Variants in CMIP observed in about 807,000 individuals in gnomAD.
The protein encoded by CMIP is C-Maf-inducing protein.
CMIP carries 13 observed loss-of-function variants against 97.3 expected under a neutral mutation model. That is an observed-to-expected ratio of 0.13 (90% CI 0.09 to 0.21). The LOEUF (loss-of-function observed/expected upper bound fraction) is 0.21, where lower values mean the gene tolerates loss of function less well. Among genes scored for constraint, CMIP ranks in the 10% least tolerant of loss-of-function variants. The pLI is 1.00. For missense variants in CMIP, 847 were observed against 1,024.9 expected (o/e 0.83, Z 2.37); for synonymous variants, 538 against 436.3 (o/e 1.23, Z -2.91).
intron 1 of CMIP, among the ~76,000 whole-genome samples, chr16:81,508,481 A>C (rs1216876228): frequency 6.6e-6 from 1 of 152,064 alleles, no homozygotes. Context: ...AGAGCATTCT[A>C]CTCCATAGCT....
intron 1 of CMIP, among the ~76,000 whole-genome samples, chr16:81,488,659 C>T (rs1439095475): frequency 6.6e-6 from 1 of 152,126 alleles, no homozygotes; most frequent in East Asian, 1.9e-4. Flanking sequence ...GGGCAGTCAT[C>T]AGCTTCCTTG....
intron 3 of CMIP, among the ~76,000 whole-genome samples, chr16:81,628,192 C>T (rs1171488092): frequency 2.6e-5 from 4 of 152,118 alleles, no homozygotes; most frequent in Admixed American, 6.5e-5. Flanking sequence ...ACCTTGCTCC[C>T]GGAGCCCACC....
intron 8 of CMIP, among the ~76,000 whole-genome samples, chr16:81,671,261 C>A (rs1489756402): frequency 6.6e-6 from 1 of 152,180 alleles, no homozygotes; most frequent in Non-Finnish European, 1.5e-5. Flanking sequence ...CATGCCAGAA[C>A]CGTGGTGACA....
intron 1 of CMIP, among the ~76,000 whole-genome samples, chr16:81,589,286 G>A (rs796811596): frequency 5.9e-5 from 9 of 152,002 alleles, no homozygotes; most frequent in African/African-American, 9.7e-5. Context: ...TAGTAGAGAC[G>A]GGGTTTCTCC....
chr16:81,638,983 C>T (rs2092270908), intron 3 of CMIP, among the ~76,000 whole-genome samples: 4 of 152,184 alleles, frequency 2.6e-5, no homozygotes, highest in South Asian at 2.1e-4. Context: ...CAGCCCCCGC[C>T]GGGATTAGGA....
intron 1 of CMIP, among the ~76,000 whole-genome samples, chr16:81,536,380 A>G (rs2090343085): frequency 6.6e-6 from 1 of 151,962 alleles, no homozygotes; most frequent in Admixed American, 6.5e-5. Context: ...GCTATTCGGT[A>G]CCTCTCTCAC....
chr16:81,451,832 C>A (rs1183118963), intron 1 of CMIP, among the ~76,000 whole-genome samples: 1 of 152,166 alleles, frequency 6.6e-6, no homozygotes, highest in East Asian at 1.9e-4. Context: ...AGGATGGAAG[C>A]CAGGCCACCC....
chr16:81,557,320 TGAATTTA>T (rs765437046), intron 1 of CMIP, among the ~76,000 whole-genome samples: 2,730 of 152,304 alleles, frequency 0.018, 30 homozygotes, highest in Non-Finnish European at 0.03. Context: ...TGATGTTGGT[TGAATTTA>T]CTGATGTTGG....
At chr16:81,657,980 G>C (rs2092503734) in intron 5 of CMIP, among the ~76,000 whole-genome samples, 164 bp downstream of exon 5, 1 of 152,170 alleles carries the variant, frequency 6.6e-6, no homozygotes, top group Non-Finnish European at 1.5e-5. Flanking sequence ...CTCTGCCTTT[G>C]CATATTTCAG....
At chr16:81,677,776 G>T (rs967659075) in intron 9 of CMIP, among the ~76,000 whole-genome samples, 3 of 152,208 alleles carry the variant, frequency 2.0e-5, no homozygotes, top group African/African-American at 7.2e-5. Context: ...TACTGAGCTT[G>T]CTCACTTGGC....
At chr16:81,626,377 G>A (rs1169748882) in intron 3 of CMIP, among the ~76,000 whole-genome samples, 1 of 151,374 alleles carries the variant, frequency 6.6e-6, no homozygotes, top group South Asian at 2.1e-4. Context: ...TATGTGTGGT[G>A]ACTATTTTAT....
intron 1 of CMIP, among the ~76,000 whole-genome samples, chr16:81,589,543 C>T (rs2091435028): frequency 6.6e-6 from 1 of 151,774 alleles, no homozygotes; most frequent in South Asian, 2.1e-4. Flanking sequence ...GGTCTCGCAC[C>T]CCATGGCAGC....
intron 5 of CMIP, among the ~76,000 whole-genome samples, chr16:81,658,846 C>G (rs1455285813): frequency 6.6e-6 from 1 of 152,254 alleles, no homozygotes; most frequent in Non-Finnish European, 1.5e-5. Flanking sequence ...GCATCAGTCA[C>G]TAGGCCCCTC....
intron 1 of CMIP, among the ~76,000 whole-genome samples, chr16:81,536,983 A>G (rs2090355117): frequency 6.6e-6 from 1 of 152,080 alleles, no homozygotes; most frequent in Non-Finnish European, 1.5e-5. Flanking sequence ...TCAGTGTCTA[A>G]TGGTTTTGCC....
At chr16:81,644,061 C>T (rs1188331578) in intron 3 of CMIP, among the ~76,000 whole-genome samples, 1 of 152,176 alleles carries the variant, frequency 6.6e-6, no homozygotes, top group African/African-American at 2.4e-5. Flanking sequence ...ATCCCAGAAG[C>T]ACCGTTGACC....
chr16:81,613,913 T>G (rs1223608880), intron 2 of CMIP, among the ~76,000 whole-genome samples: 3 of 152,180 alleles, frequency 2.0e-5, no homozygotes, highest in Non-Finnish European at 1.5e-5. Flanking sequence ...ATCTTTCACT[T>G]AACAAACATT....
At position 81,652,493 on chromosome 16, in the gene CMIP, G is replaced by A. The variant is rs1321229005; in HGVS notation, c.639+129G>A. The A allele has an allele frequency of 1.0e-5, 8 of 800,062 alleles. No homozygotes were observed. The highest frequency in any genetic ancestry group is 1.6e-5 in the Non-Finnish European group (8 of 503,832). The allele number at this position is 800,062 out of a possible 1,614,324, so 49.6% of individuals were successfully genotyped here. A position where few individuals can be genotyped will look rare whatever the true frequency, so the allele number is the denominator to read the frequency against. ...TGTTGTTGCCCTGCTGCCGAAGGAGGTGAGCAGTTGCCCACCCAGCCGTGT... is the reference window on the plus strand; with the variant it reads ...TGTTGTTGCCCTGCTGCCGAAGGAGATGAGCAGTTGCCCACCCAGCCGTGT... On this transcript the variant is annotated intron_variant, in intron 4 of 20. Coordinates refer to ENST00000537098, the MANE Select transcript of CMIP (RefSeq NM_198390.3). The surrounding 1 kb of genome is among the most constrained non-coding windows in gnomAD (Gnocchi z 5.2).
intron 1 of CMIP, among the ~76,000 whole-genome samples, chr16:81,491,400 C>T (rs1163257942): frequency 6.6e-6 from 1 of 152,216 alleles, no homozygotes; most frequent in Non-Finnish European, 1.5e-5. Flanking sequence ...ACTCCCTGCC[C>T]TGCTTCCTTA....
chr16:81,589,739 C>T (rs2091438291), intron 1 of CMIP, among the ~76,000 whole-genome samples: 1 of 152,254 alleles, frequency 6.6e-6, no homozygotes, highest in South Asian at 2.1e-4. Context: ...AAAATGCATA[C>T]AGAGAAGCAC....
Sources: gnomAD v4.1 joint callset for allele counts (sites outside exome capture counted in the v4.1 genomes callset) on GRCh38, gnomAD v4.1.1 for gene constraint, Gnocchi (gnomAD v3.1) non-coding constraint, MANE v1.5 for transcripts, NCBI Gene and HGNC (gene_info 2026-07-23, HGNC 2026-07-21) for gene names.